TRIP12: variants seen among roughly 807,000 people sequenced by gnomAD.
TRIP12 encodes E3 ubiquitin-protein ligase TRIP12.
TRIP12 carries 25 observed loss-of-function variants against 244.2 expected under a neutral mutation model. The observed-to-expected ratio is 0.10, with a 90% CI of 0.07 to 0.14. TRIP12 has a LOEUF of 0.14. TRIP12 is among the 10% of genes least tolerant of loss of function. The pLI is 1.00. For synonymous variants in TRIP12, 905 were observed against 873.1 expected (o/e 1.04, Z -0.64); for missense variants, 1,677 against 2,486.4 (o/e 0.67, Z 6.92).
At chr2:229,868,473 C>G (rs505072) in intron 2 of TRIP12, among the ~76,000 whole-genome samples, 148,928 of 152,308 alleles carry the variant, frequency 0.98, 72,908 homozygotes, top group Middle Eastern at 1. Context: ...AAAGTACTGA[C>G]ATTACAGGCA....
chr2:229,774,346 T>C, intron 37 of TRIP12, 85 bp from the exon 38 acceptor site: 2 of 1,380,372 alleles, frequency 1.4e-6, no homozygotes, highest in Non-Finnish European at 2.0e-6. Context: ...CCTAATAAAA[T>C]ATAAGCTATC....
intron 1 of TRIP12, among the ~76,000 whole-genome samples, chr2:229,904,253 A>G (rs2071977450): frequency 6.6e-6 from 1 of 151,890 alleles, no homozygotes; most frequent in Non-Finnish European, 1.5e-5. Context: ...CCCTGTCTCT[A>G]CTAAAACTAC....
chr2:229,783,810 TAAAAA>T (rs554779208), intron 34 of TRIP12, among the ~76,000 whole-genome samples: 1 of 125,208 alleles, frequency 8.0e-6, no homozygotes, highest in Non-Finnish European at 1.7e-5. Context: ...AACCATCTTT[TAAAAA>T]AAAAAAAAAA....
intron 2 of TRIP12, among the ~76,000 whole-genome samples, chr2:229,871,965 G>A (rs488644): frequency 0.18 from 27,467 of 151,900 alleles, 2,731 homozygotes; most frequent in East Asian, 0.28. Flanking sequence ...ATGTTCAGGT[G>A]TGGCATCATT....
chr2:229,876,790 T>C (rs776252482), intron 2 of TRIP12, among the ~76,000 whole-genome samples: 5 of 152,236 alleles, frequency 3.3e-5, no homozygotes, highest in East Asian at 3.9e-4. Context: ...CAGCCTCCTA[T>C]GTAGCTAGAA....
At chr2:229,912,072 T>A (rs1009158179) in intron 1 of TRIP12, among the ~76,000 whole-genome samples, 1 of 152,210 alleles carries the variant, frequency 6.6e-6, no homozygotes, top group Non-Finnish European at 1.5e-5. Context: ...AACAGTTGAA[T>A]GTGCTGAGAC....
chr2:229,778,608 C>A lies in TRIP12; in HGVS notation c.5210-21G>T. 1 of 1,600,602 alleles carries A rather than the reference C, an allele frequency of 6.2e-7. No homozygotes were observed. The highest frequency in any genetic ancestry group is 1.1e-5 in the South Asian group (1 of 89,516). On this transcript the variant is annotated intron_variant, in intron 35 of 41. Coordinates refer to ENST00000675903, the MANE Select transcript of TRIP12 (RefSeq NM_001348323.3). This position sits in a 1 kb window ranked among gnomAD's most constrained non-coding sequence, Gnocchi z 4.1. ...GCTCCCTGAAAAACAAGCAATGCAG[C>A]AAACTTCAGATGATGTTTCCAAAAA...
intron 2 of TRIP12, among the ~76,000 whole-genome samples, chr2:229,864,004 AAGAGAGAGAGAGAG>A (rs1163408528): frequency 1.2e-5 from 1 of 81,346 alleles, no homozygotes; most frequent in African/African-American, 4.1e-5. Flanking sequence ...ATTTGGGTGA[AAGAGAGAGAGAGAG>A]AGAGAGAGAG....
chr2:229,850,429 C>T (rs934737880), intron 4 of TRIP12, among the ~76,000 whole-genome samples: 2 of 152,228 alleles, frequency 1.3e-5, no homozygotes, highest in African/African-American at 4.8e-5. Flanking sequence ...AACTGACACT[C>T]AACCCATTTC....
At chr2:229,785,996 A>C in intron 33 of TRIP12, 141 bp from the exon 34 acceptor site, 1 of 624,346 alleles carries the variant, frequency 1.6e-6, no homozygotes. Flanking sequence ...AACTCAGAAA[A>C]GGTTAAGAGG....
chr2:229,910,902 A>C (rs907770249), intron 1 of TRIP12, among the ~76,000 whole-genome samples: 1 of 152,230 alleles, frequency 6.6e-6, no homozygotes, highest in Non-Finnish European at 1.5e-5. Context: ...GTCTGATCAC[A>C]AAGTTAAGAC....
At chr2:229,889,877 TAA>T (rs1426563755) in intron 1 of TRIP12, among the ~76,000 whole-genome samples, 1 of 152,166 alleles carries the variant, frequency 6.6e-6, no homozygotes, top group Non-Finnish European at 1.5e-5. Flanking sequence ...TGGCTAAGAA[TAA>T]AAGTTATTCA....
chr2:229,881,812 G>T (rs550152899), intron 1 of TRIP12, among the ~76,000 whole-genome samples: 126 of 152,172 alleles, frequency 8.3e-4, no homozygotes, highest in Non-Finnish European at 1.5e-3. Context: ...TCTGTATACT[G>T]TCCACGTTAA....
intron 39 of TRIP12, among the ~76,000 whole-genome samples, chr2:229,770,104 G>T (rs1256220474): frequency 6.6e-6 from 1 of 152,110 alleles, no homozygotes; most frequent in Non-Finnish European, 1.5e-5. Flanking sequence ...CCAAGTAGCT[G>T]AGACTACAGG....
intron 21 of TRIP12, among the ~76,000 whole-genome samples, chr2:229,800,214 A>C (rs2043918900): frequency 6.6e-6 from 1 of 152,260 alleles, no homozygotes; most frequent in South Asian, 2.1e-4. Context: ...AACATACTAA[A>C]TAAATGCATT....
At chr2:229,881,742 T>C (rs1288719352) in intron 1 of TRIP12, among the ~76,000 whole-genome samples, 1 of 152,182 alleles carries the variant, frequency 6.6e-6, no homozygotes, top group Non-Finnish European at 1.5e-5. Context: ...CGTACTGATA[T>C]GGAAAGATAT....
In TRIP12 at chr2:229,894,191, G is replaced by A. The variant is rs528286463; in HGVS notation, c.-49-14063C>T. 4.6e-5 allele frequency among the ~76,000 whole-genome samples: 7 copies of A among 152,200 alleles called. No individual in the cohort carries two copies. In the South Asian group the frequency reaches 1.5e-3, roughly 32 times the overall value. ...TTTTCGTTATTCTGCTGGGTGTGTA[G>A]TAGTATCTTATTATTGTTCTAATAC... On this transcript the variant is annotated intron_variant, in intron 1 of 41. Coordinates refer to ENST00000675903, the MANE Select transcript of TRIP12 (RefSeq NM_001348323.3).
intron 37 of TRIP12, 91 bp downstream of exon 37, chr2:229,777,224 T>G: frequency 7.3e-7 from 1 of 1,376,924 alleles, no homozygotes; most frequent in Admixed American, 2.2e-5. Context: ...AACATTAATA[T>G]AACAACTGAG....
At position 229,917,232 on chromosome 2, in the gene TRIP12, T is replaced by C. The variant is rs373648876; in HGVS notation, c.-50+4648A>G. On this transcript the variant is annotated intron_variant, in intron 1 of 41. Transcript: ENST00000675903. ...CATCTCTACTAAAAATACAAAAAAA[T>C]TAGCTGGGCGTGGTGGCTGGCACCT... Among the ~76,000 whole-genome samples, 11 of 151,464 alleles carry C rather than the reference T, an allele frequency of 7.3e-5. 1 individual carries two copies. In the East Asian group the frequency reaches 1.6e-3, roughly 21 times the overall value.
Sources: gnomAD v4.1 joint callset for allele counts (sites outside exome capture counted in the v4.1 genomes callset) on GRCh38, gnomAD v4.1.1 for gene constraint, Gnocchi (gnomAD v3.1) non-coding constraint, MANE v1.5 for transcripts, NCBI Gene and HGNC (gene_info 2026-07-23, HGNC 2026-07-21) for gene names.